The following TRAF3IP2 variants were observed in gnomAD, a reference collection of about 807,000 sequenced individuals.
TRAF3IP2 encodes E3 ubiquitin ligase TRAF3IP2.
A neutral mutation model predicts 57.9 loss-of-function variants in TRAF3IP2; 35 were observed. The ratio of observed to expected loss-of-function variants is 0.60; its 90% CI spans 0.46 to 0.80. The LOEUF (loss-of-function observed/expected upper bound fraction) is 0.80, where lower values mean the gene tolerates loss of function less well. TRAF3IP2 is among the 30% of genes least tolerant of loss of function. The pLI is 0.00. For synonymous variants in TRAF3IP2, 251 were observed against 268.9 expected, an observed-to-expected ratio of 0.93 and a Z score of 0.65; for missense variants, 556 against 706.4, an observed-to-expected ratio of 0.79 and a Z score of 2.41.
intron 2 of TRAF3IP2, among the ~76,000 whole-genome samples, chr6:111,586,463 C>T (rs953637679): frequency 1.3e-5 from 2 of 152,094 alleles, no homozygotes; most frequent in African/African-American, 4.8e-5. Flanking sequence ...AGCAGGAGGC[C>T]GACTTCTCCA....
chr6:111,588,697 G>A (rs1450763015), intron 2 of TRAF3IP2, among the ~76,000 whole-genome samples: 1 of 152,094 alleles, frequency 6.6e-6, no homozygotes, highest in Non-Finnish European at 1.5e-5. Context: ...GGAGTTAATC[G>A]GAAGTGCAGT....
rs1795263061 is a variant in TRAF3IP2, at chr6:111,557,124, T to G, written c.*2281A>C. ...GCCTGGGAAAGAGTGAGACCCTGTC[T>G]CAAAAAAAAGAAAAAAAAAACAAAA... On this transcript the variant is annotated 3_prime_UTR_variant, in exon 9 of 9. Transcript: ENST00000368761. 6.6e-6 allele frequency: 1 copy of G among 150,474 alleles called. No individual in the cohort carries two copies. Among genetic ancestry groups the G allele is most frequent in the Non-Finnish European group, 1.5e-5 (1 of 67,874 alleles). 9.3% of individuals were successfully genotyped at this position (150,474 alleles called of 1,614,324 possible).
rs749241498 is a variant in TRAF3IP2 at position 111,580,177 on chromosome 6, G to T, written c.1022+20C>A. ...CTTTCCATGTTAAAAATGCCTGAAGGTTGGGCCTGTCATACTTACTGGTGC... is the reference window on the plus strand; with the variant it reads ...CTTTCCATGTTAAAAATGCCTGAAGTTTGGGCCTGTCATACTTACTGGTGC... On this transcript the variant is annotated intron_variant, in intron 3 of 8. Coordinates refer to ENST00000368761, the MANE Select transcript of TRAF3IP2 (RefSeq NM_147686.4). 5 of 1,611,434 alleles carry T rather than the reference G, an allele frequency of 3.1e-6. No homozygotes were observed. The highest frequency in any genetic ancestry group is 2.2e-5 in the East Asian group (1 of 44,788).
At position 111,591,907 on chromosome 6, in the gene TRAF3IP2, A is replaced by G; in HGVS notation, c.180T>C (p.Phe60=). The change falls in exon 2 of 9, where the codon TTT becomes TTC. Residue 60 remains phenylalanine, a synonymous_variant. Coordinates refer to ENST00000368761, the MANE Select transcript of TRAF3IP2 (RefSeq NM_147686.4). This position sits in a 1 kb window ranked among gnomAD's most constrained non-coding sequence, Gnocchi z 4.9. ...PTMLHNSSGD[F]SQAHSTLKLA... ...GTTTCAGGGTTGAGTGAGCTTGAGAAAAGTCTCCGGAGGAATTGTGAAGCA... is the reference window on the plus strand; with the variant it reads ...GTTTCAGGGTTGAGTGAGCTTGAGAGAAGTCTCCGGAGGAATTGTGAAGCA... 2 of 1,614,250 alleles carry G rather than the reference A, an allele frequency of 1.2e-6. No homozygotes were observed. Among genetic ancestry groups the G allele is most frequent in the Non-Finnish European group, 1.7e-6 (2 of 1,180,056 alleles).
At position 111,579,198 on chromosome 6, in the gene TRAF3IP2, G is replaced by A. The variant is rs531231415; in HGVS notation, c.1022+999C>T. ...ACAAAAATTAGCTAGACGTGATGGCGCGCAGCTACCCAGGAGGCTAAGGCA... is the reference window on the plus strand; with the variant it reads ...ACAAAAATTAGCTAGACGTGATGGCACGCAGCTACCCAGGAGGCTAAGGCA... On this transcript the variant is annotated intron_variant, in intron 3 of 8. Transcript: ENST00000368761. 4.6e-5 allele frequency among the ~76,000 whole-genome samples: 7 copies of A among 150,602 alleles called. 1 individual carries two copies. The highest frequency in any genetic ancestry group is 4.2e-4 in the South Asian group (2 of 4,780).
At position 111,570,975 on chromosome 6, in the gene TRAF3IP2, C is replaced by T. The variant is rs565550401; in HGVS notation, c.1290+1920G>A. Among the ~76,000 whole-genome samples the T allele has an allele frequency of 4.3e-4, 66 of 151,910 alleles. 1 individual carries two copies. The highest frequency in any genetic ancestry group is 1.5e-3 in the African/African-American group (63 of 41,408). ...GGATTGGAGTGCAGTGGTGTGATGC[C>T]GGCTTACTACAACTTCCACCTCCCA... On this transcript the variant is annotated intron_variant, in intron 5 of 8. Coordinates refer to ENST00000368761, the MANE Select transcript of TRAF3IP2 (RefSeq NM_147686.4).
In TRAF3IP2 at chr6:111,583,692, A is replaced by G. The variant is rs527994717; in HGVS notation, c.830-3303T>C. On this transcript the variant is annotated intron_variant, in intron 2 of 8. Transcript: ENST00000368761. ...TATAATTATTTCATTATATATTACA[A>G]TGTAACAATAATAGAAATAAAGTGC... is the stretch of plus-strand genomic sequence containing the variant. Among the ~76,000 whole-genome samples, 5 of 152,316 alleles carry G rather than the reference A, an allele frequency of 3.3e-5. 1 individual carries two copies. Among genetic ancestry groups the G allele is most frequent in the South Asian group, 2.1e-4 (1 of 4,828 alleles).
intron 4 of TRAF3IP2, among the ~76,000 whole-genome samples, chr6:111,575,140 C>A (rs1412358789): frequency 6.6e-6 from 1 of 151,516 alleles, no homozygotes; most frequent in Non-Finnish European, 1.5e-5. Context: ...GGGAGAATCA[C>A]CTGACCCCAG....
At chr6:111,576,578 T>C (rs1307522943) in intron 3 of TRAF3IP2, 1 of 152,256 alleles carries the variant, frequency 6.6e-6, no homozygotes, top group Non-Finnish European at 1.5e-5. Context: ...TGTTCACCAG[T>C]GGAGATCTAT....
rs1471286859 is a variant in TRAF3IP2, at chr6:111,572,052, G to T, written c.1290+843C>A. 1.2e-4 allele frequency among the ~76,000 whole-genome samples: 18 copies of T among 152,134 alleles called. No individual in the cohort carries two copies. The East Asian group carries it at 3.5e-3, about 29-fold the overall frequency. On this transcript the variant is annotated intron_variant, in intron 5 of 8. Coordinates refer to ENST00000368761, the MANE Select transcript of TRAF3IP2 (RefSeq NM_147686.4). The stretch of plus-strand genomic sequence containing the variant: ...TTACCCATAGACATTTATATTCATA[G>T]ATATTTCCCTTAATTTTTCACCACT...
chr6:111,562,282 T>C (rs1420055151), intron 8 of TRAF3IP2, among the ~76,000 whole-genome samples: 1 of 152,232 alleles, frequency 6.6e-6, no homozygotes, highest in Non-Finnish European at 1.5e-5. Context: ...AGCTGAACTA[T>C]GTGCAATGAA....
At chr6:111,568,432 AGTGTGT>A (rs58088162) in intron 5 of TRAF3IP2, among the ~76,000 whole-genome samples, 2,224 of 146,578 alleles carry the variant, frequency 0.015, 20 homozygotes, top group Middle Eastern at 0.025. Flanking sequence ...TATACTGCAG[AGTGTGT>A]GTGTGTGTGT....
At chr6:111,589,016 T>C (rs1342300793) in intron 2 of TRAF3IP2, among the ~76,000 whole-genome samples, 1 of 151,912 alleles carries the variant, frequency 6.6e-6, no homozygotes, top group Non-Finnish European at 1.5e-5. Flanking sequence ...TTTGAACTTC[T>C]GGGCATATTT....
chr6:111,562,813 C>T lies in TRAF3IP2; in HGVS notation c.1551+152G>A, dbSNP rs959941934. On this transcript the variant is annotated intron_variant, in intron 8 of 8. Transcript: ENST00000368761. Reference sequence around the variant, plus strand: ...TGAGCCAAGGTCACGCCATTGCACTCCAGGCTGGGCAACACAGCGAGACTC... The same window carrying T: ...TGAGCCAAGGTCACGCCATTGCACTTCAGGCTGGGCAACACAGCGAGACTC... 1.3e-5 allele frequency: 8 copies of T among 601,920 alleles called. No individual in the cohort carries two copies. In the African/African-American group the frequency reaches 1.5e-4, roughly 11 times the overall value. 37.3% of individuals were successfully genotyped at this position (601,920 alleles called of 1,614,324 possible). A position where few individuals can be genotyped will look rare whatever the true frequency, so the allele number is the denominator to read the frequency against.
intron 1 of TRAF3IP2, among the ~76,000 whole-genome samples, chr6:111,599,066 A>ATTTTTT (rs1017585005): frequency 2.3e-5 from 3 of 129,058 alleles, no homozygotes; most frequent in Non-Finnish European, 4.9e-5. Context: ...CACCTGGTTA[A>ATTTTTT]TTTTTTTTTT....
intron 1 of TRAF3IP2, among the ~76,000 whole-genome samples, chr6:111,605,337 A>C (rs1334224262): frequency 1.3e-5 from 2 of 152,226 alleles, no homozygotes; most frequent in Non-Finnish European, 2.9e-5. Context: ...CCCTGCACGA[A>C]ACAAGGATTG....
rs1472506766 is a variant in TRAF3IP2 at position 111,558,289 on chromosome 6, A to AT, written c.*1115dup. On this transcript the variant is annotated 3_prime_UTR_variant, in exon 9 of 9. Coordinates refer to ENST00000368761, the MANE Select transcript of TRAF3IP2 (RefSeq NM_147686.4). The stretch of plus-strand genomic sequence containing the variant: ...AACCAAAATTAGAACACAGACTACA[A>AT]TTCTAGCCTACATCCCCCAACACTT... The AT allele has an allele frequency of 6.6e-6, 1 of 152,218 alleles. No homozygotes were observed. The highest frequency in any genetic ancestry group is 6.5e-5 in the Admixed American group (1 of 15,286). 9.4% of individuals were successfully genotyped at this position (152,218 alleles called of 1,614,324 possible). A position where few individuals can be genotyped will look rare whatever the true frequency, so the allele number is the denominator to read the frequency against.
intron 8 of TRAF3IP2, among the ~76,000 whole-genome samples, chr6:111,560,204 G>A (rs1330681055): frequency 6.6e-6 from 1 of 152,196 alleles, no homozygotes; most frequent in Non-Finnish European, 1.5e-5. Context: ...TTTAAACGGG[G>A]TGCTTAGGAG....
chr6:111,557,422 A>T lies in TRAF3IP2; in HGVS notation c.*1983T>A, dbSNP rs1469676553. 7 of 145,266 alleles carry T rather than the reference A, an allele frequency of 4.8e-5. No individual in the cohort carries two copies. The highest frequency in any genetic ancestry group is 1.4e-4 in the Admixed American group (2 of 14,568). The allele number at this position is 145,266 out of a possible 1,614,324, so 9.0% of individuals were successfully genotyped here. On this transcript the variant is annotated 3_prime_UTR_variant, in exon 9 of 9. Transcript: ENST00000368761. ...AATTATCAACCTGAGGGTATTGTTG[A>T]AGTTTTTTTTTTTTTTTTTTTTTTT... is the stretch of plus-strand genomic sequence containing the variant.
Sources: gnomAD v4.1 joint callset for allele counts (sites outside exome capture counted in the v4.1 genomes callset) on GRCh38, gnomAD v4.1.1 for gene constraint, Gnocchi (gnomAD v3.1) non-coding constraint, MANE v1.5 for transcripts, NCBI Gene and HGNC (gene_info 2026-07-23, HGNC 2026-07-21) for gene names.